MYPN: variants seen among roughly 807,000 people sequenced by gnomAD.
MYPN encodes the protein myopalladin, also known as sarcomeric protein myopalladin, 145 kDa (MYOP).
MYPN carries 63 observed loss-of-function variants against 129.4 expected under a neutral mutation model. That is an observed-to-expected ratio of 0.49 (90% CI 0.40 to 0.60). MYPN has a LOEUF of 0.60. Among genes scored for constraint, MYPN ranks in the 20% least tolerant of loss-of-function variants. The pLI is 0.00. For missense variants in MYPN, 1,596 were observed against 1,635.4 expected, an observed-to-expected ratio of 0.98 and a Z score of 0.42; for synonymous variants, 629 against 600.9, an observed-to-expected ratio of 1.05 and a Z score of -0.68.
intron 12 of MYPN, among the ~76,000 whole-genome samples, chr10:68,183,535 A>G (rs1448539530): frequency 2.0e-5 from 3 of 152,196 alleles, no homozygotes; most frequent in Non-Finnish European, 4.4e-5. Context: ...CCCTGTAATA[A>G]CTCTAACAGT....
Position 68,210,403 on chromosome 10 carries a change from C to T in MYPN, c.3911C>T (p.Thr1304Met), listed in dbSNP as rs749719592. 13 of 1,614,014 alleles carry T rather than the reference C, an allele frequency of 8.1e-6. No homozygotes were observed. The highest frequency in any genetic ancestry group is 4.0e-5 in the African/African-American group (3 of 74,904). Residue 1304 changes from threonine (T) to methionine (M), a missense_variant, in exon 20 of 20, where the codon ACG (threonine) becomes ATG (methionine). Coordinates refer to ENST00000358913, the MANE Select transcript of MYPN (RefSeq NM_032578.4). ...TCTGCCTTTTCCTCCATGGAAAGCACGATGGTGTATTCATGCTCTTCTCGG... is the reference window on the plus strand; with the variant it reads ...TCTGCCTTTTCCTCCATGGAAAGCATGATGGTGTATTCATGCTCTTCTCGG... Reference protein sequence around the residue: ...IFSAFSSMESTMVYSCSSRSV... With the variant: ...IFSAFSSMESMMVYSCSSRSV...
intron 10 of MYPN, among the ~76,000 whole-genome samples, chr10:68,170,345 C>A (rs1241363422): frequency 6.6e-6 from 1 of 152,148 alleles, no homozygotes; most frequent in Non-Finnish European, 1.5e-5. Context: ...CTATATAATT[C>A]TTTAATATTC....
chr10:68,096,003 C>G lies in MYPN; in HGVS notation c.-2+8011C>G, dbSNP rs922149288. 1.2e-4 allele frequency among the ~76,000 whole-genome samples: 19 copies of G among 152,070 alleles called. 1 individual carries two copies. The highest frequency in any genetic ancestry group is 1.2e-3 in the Admixed American group (19 of 15,264). On this transcript the variant is annotated intron_variant, in intron 1 of 6. Coordinates refer to the MYPN transcript ENST00000685154. ...ATTTCAAAATAAATTTTTTATTAGG[C>G]CTTTTTCTCACAAAATTGAAATAGA...
chr10:68,148,540 A>G, intron 5 of MYPN, 73 bp downstream of exon 5: 1 of 1,215,942 alleles, frequency 8.2e-7, no homozygotes, highest in African/African-American at 1.5e-5. Context: ...ACCATCTTGC[A>G]TGGCATGATC....
chr10:68,209,039 A>T (rs997870801), intron 19 of MYPN, among the ~76,000 whole-genome samples: 3 of 152,202 alleles, frequency 2.0e-5, no homozygotes, highest in African/African-American at 7.2e-5. Flanking sequence ...AGAGGTATGT[A>T]GACTGGAAAA....
chr10:68,192,077 T>C (rs1253978900), intron 13 of MYPN, among the ~76,000 whole-genome samples: 1 of 152,206 alleles, frequency 6.6e-6, no homozygotes, highest in Non-Finnish European at 1.5e-5. Context: ...TTTGTCTTGT[T>C]CCTGATGTTA....
In MYPN at chr10:68,121,566, A is replaced by G. The variant is rs752439535; in HGVS notation, c.128A>G (p.His43Arg). The G allele has an allele frequency of 8.7e-6, 14 of 1,614,186 alleles. No homozygotes were observed. Among genetic ancestry groups the G allele is most frequent in the Non-Finnish European group, 1.1e-5 (13 of 1,180,026 alleles). ...GCGGAGCCCTCCTCCAACCCTTGCC[A>G]TTTCGGCAGTCCTTCTGGGGCCGCT... ...SRAEPSSNPC[H>R]FGSPSGAAEG... is the part of the protein sequence containing the mutation. Residue 43 changes from histidine to arginine, a missense_variant, in exon 2 of 20, where the codon CAT (histidine) becomes CGT (arginine). By Grantham distance (29) the His-to-Arg change is conservative (BLOSUM62 0). Coordinates refer to ENST00000358913, the MANE Select transcript of MYPN (RefSeq NM_032578.4).
intron 13 of MYPN, among the ~76,000 whole-genome samples, chr10:68,191,002 C>A (rs2043501980): frequency 6.6e-6 from 1 of 152,046 alleles, no homozygotes. Context: ...GCTATAAATA[C>A]ATGGATTTAT....
At chr10:68,154,178 G>A (rs543197613) in intron 6 of MYPN, among the ~76,000 whole-genome samples, 2 of 152,146 alleles carry the variant, frequency 1.3e-5, no homozygotes, top group Admixed American at 6.6e-5. Flanking sequence ...CATCCTCTAC[G>A]CAGTATCAAA....
chr10:68,118,159 A>AG (rs1272468019), intron 1 of MYPN, among the ~76,000 whole-genome samples: 1 of 152,158 alleles, frequency 6.6e-6, no homozygotes, highest in African/African-American at 2.4e-5. Context: ...TTAAAAAAAA[A>AG]CTTATCTAAG....
rs1487213567 is a variant in MYPN at position 68,201,826 on chromosome 10, C to T, written c.3494-3C>T. The T allele has an allele frequency of 6.2e-7, 1 of 1,613,720 alleles. No individual in the cohort carries two copies. The highest frequency in any genetic ancestry group is 2.2e-5 in the East Asian group (1 of 44,880). On this transcript the variant is annotated splice_polypyrimidine_tract_variant and splice_region_variant and intron_variant, in intron 17 of 19. Transcript: ENST00000358913. ...AAAAAAGAATGACCCTTCTCTTGCTCAGCCAAAGAGGTGAAGAAAGCACCT... is the reference window on the plus strand; with the variant it reads ...AAAAAAGAATGACCCTTCTCTTGCTTAGCCAAAGAGGTGAAGAAAGCACCT...
intron 12 of MYPN, among the ~76,000 whole-genome samples, chr10:68,182,312 C>CAT (rs1267099762): frequency 7.7e-5 from 1 of 12,988 alleles, no homozygotes; most frequent in African/African-American, 1.1e-4. Flanking sequence ...ATAACACACA[C>CAT]ATATATATAA....
chr10:68,131,304 G>A (rs373997314), intron 2 of MYPN, among the ~76,000 whole-genome samples: 3 of 151,674 alleles, frequency 2.0e-5, no homozygotes, highest in East Asian at 1.9e-4. Context: ...CAGGAGAATC[G>A]CTTGAACTCA....
In MYPN at chr10:68,166,307, C is replaced by T. The variant is rs771933855; in HGVS notation, c.1614C>T (p.Leu538=). ...AQLHVRGNED[L]SNNGSLHSAN... ...TTGTCCTTTCAGGAAATGAGGACCT[C>T]AGCAACAACGGGTCTCTTCACTCAG... The change falls in exon 10 of 20, where the codon CTC becomes CTT. Residue 538 remains leucine (L), a synonymous_variant. Coordinates refer to ENST00000358913, the MANE Select transcript of MYPN (RefSeq NM_032578.4). 1 of 1,614,096 alleles carries T rather than the reference C, an allele frequency of 6.2e-7. No individual in the cohort carries two copies.
Position 68,122,481 on chromosome 10 carries a change from T to C in MYPN, c.902+141T>C, listed in dbSNP as rs1302428310. On this transcript the variant is annotated intron_variant, in intron 2 of 19. Coordinates refer to ENST00000358913, the MANE Select transcript of MYPN (RefSeq NM_032578.4). ...GTAGTCGGTATCTAAAGCAGCTTGG[T>C]CCAATAGAAATGTAAACCTAGTCAC... The C allele has an allele frequency of 4.8e-6, 4 of 828,440 alleles. No homozygotes were observed. In the African/African-American group the frequency reaches 6.8e-5, roughly 14 times the overall value. 51.3% of individuals were successfully genotyped at this position (828,440 alleles called of 1,614,324 possible).
chr10:68,109,726 A>G lies in MYPN; in HGVS notation c.-2+3A>G. ...CTGGGTCAACTAAAAAAAGAAAGGT[A>G]ATATCCAGATTTAAGTTCACAAGTG... is the stretch of plus-strand genomic sequence containing the variant. On this transcript the variant is annotated splice_donor_region_variant and intron_variant, in intron 1 of 19. Coordinates refer to ENST00000358913, the MANE Select transcript of MYPN (RefSeq NM_032578.4). The G allele has an allele frequency of 4.4e-6, 2 of 453,358 alleles. No individual in the cohort carries two copies. The highest frequency in any genetic ancestry group is 8.8e-6 in the Non-Finnish European group (2 of 226,328). 28.1% of individuals were successfully genotyped at this position (453,358 alleles called of 1,614,324 possible). A position where few individuals can be genotyped will look rare whatever the true frequency, so the allele number is the denominator to read the frequency against.
At chr10:68,132,714 G>C (rs1255220355) in intron 2 of MYPN, among the ~76,000 whole-genome samples, 1 of 152,156 alleles carries the variant, frequency 6.6e-6, no homozygotes, top group Non-Finnish European at 1.5e-5. Context: ...GGGGGATATA[G>C]GGCAGTCATA....
chr10:68,115,962 T>C (rs2042151262), intron 1 of MYPN, among the ~76,000 whole-genome samples: 1 of 152,194 alleles, frequency 6.6e-6, no homozygotes, highest in Non-Finnish European at 1.5e-5. Context: ...TTGCTTGACT[T>C]TGCTAGCTAA....
chr10:68,140,110 G>C (rs2042552652), intron 2 of MYPN, among the ~76,000 whole-genome samples: 1 of 152,164 alleles, frequency 6.6e-6, no homozygotes, highest in African/African-American at 2.4e-5. Flanking sequence ...ACCTATCTTT[G>C]TAAAGGTCTG....
Sources: allele counts gnomAD v4.1 joint callset (sites outside exome capture counted in the v4.1 genomes callset), GRCh38; gene constraint gnomAD v4.1.1; transcripts MANE v1.5; gene names NCBI Gene and HGNC (gene_info 2026-07-23, HGNC 2026-07-21).